The following NCAM2 variants were observed in gnomAD, a reference collection of about 807,000 sequenced individuals.
The protein encoded by NCAM2 is neural cell adhesion molecule 2.
A neutral mutation model predicts 98.1 loss-of-function variants in NCAM2; 30 were observed. The observed-to-expected ratio is 0.31, with a 90% CI of 0.23 to 0.41. NCAM2 has a LOEUF of 0.41. Among genes scored for constraint, NCAM2 ranks in the 10% least tolerant of loss-of-function variants. The probability of loss-of-function intolerance (pLI) is 1.00; values close to 1 mark genes in which losing one functional copy is unlikely to be tolerated. For synonymous variants in NCAM2, 368 were observed against 342.4 expected (o/e 1.07, Z -0.83); for missense variants, 867 against 1,005.8 (o/e 0.86, Z 1.87).
intron 1 of NCAM2, among the ~76,000 whole-genome samples, chr21:21,033,810 A>G (rs988507548): frequency 2.0e-5 from 3 of 152,198 alleles, no homozygotes; most frequent in East Asian, 1.9e-4. Flanking sequence ...TTTCACAAAT[A>G]TAGATTTTTC....
intron 1 of NCAM2, among the ~76,000 whole-genome samples, chr21:21,146,254 T>C (rs2067271137): frequency 6.6e-6 from 1 of 151,978 alleles, no homozygotes; most frequent in African/African-American, 2.4e-5. Context: ...TTTCCATTGG[T>C]GTTATCACAG....
At chr21:21,199,914 A>G (rs971094782) in intron 1 of NCAM2, among the ~76,000 whole-genome samples, 1 of 151,990 alleles carries the variant, frequency 6.6e-6, no homozygotes, top group Non-Finnish European at 1.5e-5. Flanking sequence ...TATTAATACA[A>G]TGGCTTACAC....
At chr21:21,323,281 G>C (rs980911244) in intron 5 of NCAM2, among the ~76,000 whole-genome samples, 2 of 152,014 alleles carry the variant, frequency 1.3e-5, no homozygotes, top group Non-Finnish European at 2.9e-5. Flanking sequence ...TGTTACTTTA[G>C]AGACAACATG....
rs562806905 is a variant in NCAM2 at position 21,441,729 on chromosome 21, G to A, written c.1654+9448G>A. ...TCAGCAGAGACTGGGAAAGATGAAC[G>A]TGGTATCCTGGAGGAAAGCCTCCCA... On this transcript the variant is annotated intron_variant, in intron 12 of 17. Coordinates refer to ENST00000400546, the MANE Select transcript of NCAM2 (RefSeq NM_004540.5). Among the ~76,000 whole-genome samples the A allele has an allele frequency of 3.3e-5, 5 of 151,302 alleles. No individual in the cohort carries two copies. In the South Asian group the frequency reaches 1.0e-3, roughly 32 times the overall value.
At chr21:21,490,609 A>G (rs1246866375) in intron 15 of NCAM2, among the ~76,000 whole-genome samples, 2 of 151,864 alleles carry the variant, frequency 1.3e-5, no homozygotes, top group African/African-American at 2.4e-5. Flanking sequence ...CTACGACATA[A>G]ATCTAGCTAG....
intron 16 of NCAM2, among the ~76,000 whole-genome samples, chr21:21,510,863 C>T (rs1002430087): frequency 3.3e-5 from 5 of 152,020 alleles, no homozygotes; most frequent in Non-Finnish European, 7.4e-5. Context: ...TGAGCATGCC[C>T]ATTTTTAACG....
intron 1 of NCAM2, among the ~76,000 whole-genome samples, chr21:21,262,080 T>A (rs2071923601): frequency 6.6e-6 from 1 of 152,098 alleles, no homozygotes; most frequent in Non-Finnish European, 1.5e-5. Context: ...TATGAACATC[T>A]CTATGCATAC....
At chr21:21,529,899 C>T (rs907426067) in intron 16 of NCAM2, among the ~76,000 whole-genome samples, 1 of 150,918 alleles carries the variant, frequency 6.6e-6, no homozygotes, top group Non-Finnish European at 1.5e-5. Flanking sequence ...TGACATTTGA[C>T]AGGGGCAGAA....
chr21:21,307,053 A>G (rs372142493), intron 5 of NCAM2, among the ~76,000 whole-genome samples: 2 of 70,984 alleles, frequency 2.8e-5, no homozygotes, highest in African/African-American at 1.1e-4. Flanking sequence ...TTTTTGTAGG[A>G]TGTGTACAGT....
chr21:21,105,040 C>T (rs1280007674), intron 1 of NCAM2, among the ~76,000 whole-genome samples: 1 of 152,056 alleles, frequency 6.6e-6, no homozygotes, highest in African/African-American at 2.4e-5. Flanking sequence ...TAGCCAACAG[C>T]AAGTTCATTA....
At chr21:21,393,390 G>A (rs2076424195) in intron 9 of NCAM2, among the ~76,000 whole-genome samples, 1 of 152,078 alleles carries the variant, frequency 6.6e-6, no homozygotes, top group African/African-American at 2.4e-5. Context: ...AGTATAAAAT[G>A]TTTAATTTCT....
Position 21,272,516 on chromosome 21 carries a change from A to G in NCAM2, c.56-8062A>G, listed in dbSNP as rs200464650. 5.7e-3 allele frequency among the ~76,000 whole-genome samples: 815 copies of G among 143,012 alleles called. 4 individuals carry two copies. The highest frequency in any genetic ancestry group is 0.014 in the African/African-American group (544 of 38,540). 93.8% of individuals were successfully genotyped at this position (143,012 alleles called of 152,430 possible). Reference sequence around the variant, plus strand: ...CACACATGCGCGCGCGCGCACACACACACACACACACACACACTTCCTCAG... The same window carrying G: ...CACACATGCGCGCGCGCGCACACACGCACACACACACACACACTTCCTCAG... On this transcript the variant is annotated intron_variant, in intron 1 of 17. Transcript: ENST00000400546.
chr21:21,108,561 A>T (rs570353625), intron 1 of NCAM2, among the ~76,000 whole-genome samples: 1 of 152,218 alleles, frequency 6.6e-6, no homozygotes, highest in South Asian at 2.1e-4. Flanking sequence ...AGGTGAATTG[A>T]ATTTATCAAA....
At chr21:21,152,190 G>C (rs1258675620) in intron 1 of NCAM2, among the ~76,000 whole-genome samples, 1 of 151,788 alleles carries the variant, frequency 6.6e-6, no homozygotes, top group African/African-American at 2.4e-5. Context: ...ATGTCCTAAA[G>C]TTTACTATTT....
At chr21:21,151,561 C>T (rs1299535636) in intron 1 of NCAM2, among the ~76,000 whole-genome samples, 2 of 151,998 alleles carry the variant, frequency 1.3e-5, no homozygotes, top group East Asian at 3.9e-4. Flanking sequence ...TTAATTCTGT[C>T]AGGATTTCCT....
At chr21:21,074,522 G>A (rs1257475010) in intron 1 of NCAM2, among the ~76,000 whole-genome samples, 3 of 152,062 alleles carry the variant, frequency 2.0e-5, no homozygotes, top group Non-Finnish European at 2.9e-5. Flanking sequence ...TCAAATTCAG[G>A]ATCAGGTGGA....
intron 7 of NCAM2, among the ~76,000 whole-genome samples, chr21:21,336,806 A>C (rs2074883679): frequency 1.3e-5 from 2 of 152,208 alleles, no homozygotes; most frequent in African/African-American, 4.8e-5. Flanking sequence ...AAAAGTAGAG[A>C]TGTTTTGAGA....
intron 9 of NCAM2, among the ~76,000 whole-genome samples, chr21:21,385,396 A>ACACACACATG (rs71980516): frequency 1.6e-5 from 1 of 60,746 alleles, no homozygotes; most frequent in East Asian, 9.9e-4. Context: ...ACACACACAC[A>ACACACACATG]CACGCACACA....
chr21:21,218,227 G>A (rs1211003601), intron 1 of NCAM2, among the ~76,000 whole-genome samples: 1 of 152,184 alleles, frequency 6.6e-6, no homozygotes, highest in Non-Finnish European at 1.5e-5. Flanking sequence ...GCTGATCCAA[G>A]AGCTGTTCAA....
Sources: gnomAD v4.1 joint callset for allele counts (sites outside exome capture counted in the v4.1 genomes callset) on GRCh38, gnomAD v4.1.1 for gene constraint, MANE v1.5 for transcripts, NCBI Gene and HGNC (gene_info 2026-07-23, HGNC 2026-07-21) for gene names.